HMGCLL1: variants seen among roughly 807,000 people sequenced by gnomAD.
The protein encoded by HMGCLL1 is 3-hydroxymethyl-3-methylglutaryl-CoA lyase, cytoplasmic.
HMGCLL1 carries 36 observed loss-of-function variants against 39.1 expected under a neutral mutation model. The observed-to-expected ratio is 0.92, with a 90% CI of 0.71 to 1.22. The LOEUF (loss-of-function observed/expected upper bound fraction) is 1.22, where lower values mean the gene tolerates loss of function less well. Ranked by LOEUF, HMGCLL1 falls within the 50% of genes most tolerant of loss-of-function variation. The pLI is 0.00. For missense variants in HMGCLL1, 451 were observed against 416.5 expected, an observed-to-expected ratio of 1.08 and a Z score of -0.72; for synonymous variants, 149 against 144.0, an observed-to-expected ratio of 1.03 and a Z score of -0.25.
chr6:55,594,699 G>A, the HMGCLL1 span, among the ~76,000 whole-genome samples: 1 of 152,128 alleles, frequency 6.6e-6, no homozygotes, highest in Non-Finnish European at 1.5e-5. Flanking sequence ...TCTGGTATTG[G>A]GTAGTGGTGG....
intron 7 of HMGCLL1, among the ~76,000 whole-genome samples, chr6:55,469,036 T>G (rs1764913291): frequency 6.6e-6 from 1 of 151,832 alleles, no homozygotes; most frequent in Admixed American, 6.6e-5. Context: ...AGCATTTCCT[T>G]TCTTCACTAA....
At chr6:55,561,453 A>G (rs1224458379) in intron 1 of HMGCLL1, among the ~76,000 whole-genome samples, 2 of 152,086 alleles carry the variant, frequency 1.3e-5, no homozygotes, top group Non-Finnish European at 2.9e-5. Context: ...TTTAATGTGC[A>G]TATGAATCCC....
At chr6:55,614,402 A>G in the HMGCLL1 span, among the ~76,000 whole-genome samples, 1 of 152,142 alleles carries the variant, frequency 6.6e-6, no homozygotes, top group African/African-American at 2.4e-5. Context: ...GCCCTCACCA[A>G]ACACTGAATC....
At chr6:55,672,275 G>A in the HMGCLL1 span, among the ~76,000 whole-genome samples, 1 of 151,586 alleles carries the variant, frequency 6.6e-6, no homozygotes, top group Non-Finnish European at 1.5e-5. Context: ...TGCTTAAAAT[G>A]TTGTCTGCAA....
the HMGCLL1 span, among the ~76,000 whole-genome samples, chr6:55,651,103 TAGAA>T: frequency 6.6e-6 from 1 of 152,056 alleles, no homozygotes; most frequent in African/African-American, 2.4e-5. Flanking sequence ...TTTTCTCAAA[TAGAA>T]AGAGTCTTTC....
At chr6:55,550,785 G>A (rs370980824) in intron 1 of HMGCLL1, among the ~76,000 whole-genome samples, 2 of 151,496 alleles carry the variant, frequency 1.3e-5, no homozygotes, top group Admixed American at 6.6e-5. Flanking sequence ...AGGGACACCC[G>A]GCAATGTCTG....
At chr6:55,654,584 A>T in the HMGCLL1 span, among the ~76,000 whole-genome samples, 1 of 151,890 alleles carries the variant, frequency 6.6e-6, no homozygotes, top group African/African-American at 2.4e-5. Flanking sequence ...TTTCAACACC[A>T]TTGAAGATGA....
chr6:55,536,519 C>T (rs562618328), intron 3 of HMGCLL1, among the ~76,000 whole-genome samples: 4 of 152,254 alleles, frequency 2.6e-5, no homozygotes, highest in African/African-American at 4.8e-5. Context: ...TTACTACTAA[C>T]GGCCACATTC....
Position 55,509,319 on chromosome 6 carries a change from A to G in HMGCLL1, c.542+4729T>C, listed in dbSNP as rs555260573. Among the ~76,000 whole-genome samples, 8 of 151,962 alleles carry G rather than the reference A, an allele frequency of 5.3e-5. No homozygotes were observed. The South Asian group carries it at 1.7e-3, about 32-fold the overall frequency. On this transcript the variant is annotated intron_variant, in intron 5 of 8. Coordinates refer to ENST00000274901, the MANE Select transcript of HMGCLL1 (RefSeq NM_001042406.2). The stretch of plus-strand genomic sequence containing the variant: ...AGTGTTCCATAGAGGTAGATCATCC[A>G]ATGGAAAGGATTTGATGCTGTCATA...
chr6:55,482,709 T>C (rs1210644650), intron 7 of HMGCLL1, among the ~76,000 whole-genome samples: 2 of 152,120 alleles, frequency 1.3e-5, no homozygotes, highest in Non-Finnish European at 2.9e-5. Flanking sequence ...TTTAGTTATC[T>C]GTAGTTACTG....
At chr6:55,589,009 T>C in the HMGCLL1 span, among the ~76,000 whole-genome samples, 3 of 152,146 alleles carry the variant, frequency 2.0e-5, no homozygotes, top group Non-Finnish European at 4.4e-5. Context: ...CTTCTGAAAC[T>C]ATTCCAATCA....
intron 3 of HMGCLL1, among the ~76,000 whole-genome samples, chr6:55,541,315 T>G (rs1215367420): frequency 6.6e-6 from 1 of 152,176 alleles, no homozygotes; most frequent in East Asian, 1.9e-4. Flanking sequence ...AAAAGGAGTA[T>G]GTGTCTCCAT....
intron 7 of HMGCLL1, among the ~76,000 whole-genome samples, chr6:55,494,541 C>T (rs1020048848): frequency 1.3e-5 from 2 of 152,226 alleles, no homozygotes; most frequent in South Asian, 2.1e-4. Flanking sequence ...AGGATTTGTA[C>T]ACATATGTTA....
the HMGCLL1 span, among the ~76,000 whole-genome samples, chr6:55,640,419 G>A: frequency 6.6e-6 from 1 of 151,846 alleles, no homozygotes. Flanking sequence ...ATACAAAAAA[G>A]AAGACATAGA....
chr6:55,650,104 T>TATATATATATATACACACACATATAC, the HMGCLL1 span, among the ~76,000 whole-genome samples: 1 of 68,756 alleles, frequency 1.5e-5, no homozygotes, highest in African/African-American at 6.0e-5. Flanking sequence ...TATATATATA[T>TATATATATATATACACACACATATAC]ATATATATAT....
intron 3 of HMGCLL1, among the ~76,000 whole-genome samples, chr6:55,526,924 C>T (rs1307996727): frequency 6.6e-6 from 1 of 152,000 alleles, no homozygotes; most frequent in Non-Finnish European, 1.5e-5. Context: ...GATTCCCAAC[C>T]TTGTTGATTC....
chr6:55,655,182 T>G, the HMGCLL1 span, among the ~76,000 whole-genome samples: 2 of 152,102 alleles, frequency 1.3e-5, no homozygotes, highest in East Asian at 3.9e-4. Flanking sequence ...TCTACTTTTA[T>G]CACATCTCTG....
At chr6:55,466,463 T>C (rs770522873) in intron 7 of HMGCLL1, among the ~76,000 whole-genome samples, 3 of 152,136 alleles carry the variant, frequency 2.0e-5, no homozygotes, top group Non-Finnish European at 2.9e-5. Context: ...CTTTTATTTC[T>C]ACTGCCCCTG....
intron 7 of HMGCLL1, among the ~76,000 whole-genome samples, chr6:55,458,725 A>C (rs1581803055): frequency 6.6e-6 from 1 of 152,332 alleles, no homozygotes; most frequent in South Asian, 2.1e-4. Context: ...TTAGTGAATC[A>C]CATTGCAATC....
Sources: gnomAD v4.1 joint callset for allele counts (sites outside exome capture counted in the v4.1 genomes callset) on GRCh38, gnomAD v4.1.1 for gene constraint, MANE v1.5 for transcripts, NCBI Gene and HGNC (gene_info 2026-07-23, HGNC 2026-07-21) for gene names.